CSMD1: variants seen among roughly 807,000 people sequenced by gnomAD.
CSMD1 encodes CUB and sushi domain-containing protein 1.
A neutral mutation model predicts 417.5 loss-of-function variants in CSMD1; 213 were observed. The observed-to-expected ratio is 0.51, with a 90% CI of 0.46 to 0.57. CSMD1 has a LOEUF of 0.57. CSMD1 is among the 20% of genes least tolerant of loss of function. CSMD1 has a pLI of 0.00. For missense variants in CSMD1, 6,923 were observed against 4,529.7 expected, an observed-to-expected ratio of 1.53 and a Z score of -15.17; for synonymous variants, 2,862 against 1,736.8, an observed-to-expected ratio of 1.65 and a Z score of -16.11.
Position 3,832,890 on chromosome 8 carries a change from T to C in CSMD1, c.819-78848A>G, listed in dbSNP as rs144851782. ...TTGGAGAATCCAAGAAGAAAACCCATATTGCATAAGCAACACAAATAGGAG... is the reference window on the plus strand; with the variant it reads ...TTGGAGAATCCAAGAAGAAAACCCACATTGCATAAGCAACACAAATAGGAG... On this transcript the variant is annotated intron_variant, in intron 5 of 69. Coordinates refer to ENST00000635120, the MANE Select transcript of CSMD1 (RefSeq NM_033225.6). 1.2e-4 allele frequency among the ~76,000 whole-genome samples: 18 copies of C among 152,284 alleles called. 1 individual carries two copies. The highest frequency in any genetic ancestry group is 4.1e-4 in the African/African-American group (17 of 41,568).
rs191538310 is a variant in CSMD1 at position 3,102,654 on chromosome 8, C to T, written c.6949+3874G>A. On this transcript the variant is annotated intron_variant, in intron 46 of 69. Coordinates refer to ENST00000635120, the MANE Select transcript of CSMD1 (RefSeq NM_033225.6). The stretch of plus-strand genomic sequence containing the variant: ...ATGCACTTCTGAGGGAGGCCACTCT[C>T]ACCAATGCAGGCCTCCATAACAACT... Among the ~76,000 whole-genome samples, 4 of 152,346 alleles carry T rather than the reference C, an allele frequency of 2.6e-5. No homozygotes were observed. The East Asian group carries it at 7.7e-4, about 29-fold the overall frequency.
At chr8:3,220,573 C>T (rs1798148356) in intron 28 of CSMD1, among the ~76,000 whole-genome samples, 1 of 152,170 alleles carries the variant, frequency 6.6e-6, no homozygotes. Context: ...TGGCTCTAGC[C>T]TGTAATCCCA....
At chr8:4,065,494 C>G (rs1044368478) in intron 3 of CSMD1, among the ~76,000 whole-genome samples, 1 of 152,162 alleles carries the variant, frequency 6.6e-6, no homozygotes, top group Non-Finnish European at 1.5e-5. Context: ...ATACAAAGGT[C>G]ATGACACTGA....
At chr8:3,575,308 A>C (rs6558800) in intron 9 of CSMD1, among the ~76,000 whole-genome samples, 129,091 of 152,110 alleles carry the variant, frequency 0.85, 55,111 homozygotes, top group Non-Finnish European at 0.88. Context: ...CCAAAGGCCT[A>C]TCCACTCACC....
intron 6 of CSMD1, among the ~76,000 whole-genome samples, chr8:3,741,004 C>G (rs1235405974): frequency 6.6e-6 from 1 of 151,924 alleles, no homozygotes; most frequent in Non-Finnish European, 1.5e-5. Context: ...CACCTCAGGT[C>G]AGGATTTCCA....
intron 1 of CSMD1, among the ~76,000 whole-genome samples, chr8:4,650,264 G>C (rs1393491485): frequency 1.4e-5 from 2 of 147,162 alleles, no homozygotes; most frequent in Non-Finnish European, 1.5e-5. Context: ...AGAATGGCGT[G>C]AACCCGGGAG....
chr8:4,292,885 TA>T (rs1270602957), intron 3 of CSMD1, among the ~76,000 whole-genome samples: 1 of 152,168 alleles, frequency 6.6e-6, no homozygotes, highest in Non-Finnish European at 1.5e-5. Context: ...AGGCTTTTTG[TA>T]AAGAGATAAT....
intron 10 of CSMD1, among the ~76,000 whole-genome samples, chr8:3,564,046 G>A (rs1265948493): frequency 6.6e-6 from 1 of 151,922 alleles, no homozygotes; most frequent in Admixed American, 6.6e-5. Context: ...TATATTTTGG[G>A]GGTACACGTG....
chr8:4,783,522 G>C (rs75755516), intron 1 of CSMD1, among the ~76,000 whole-genome samples: 3 of 152,192 alleles, frequency 2.0e-5, no homozygotes, highest in Non-Finnish European at 4.4e-5. Context: ...ACATTAAAAC[G>C]TTTATGCAAA....
intron 3 of CSMD1, among the ~76,000 whole-genome samples, chr8:4,220,343 A>G (rs1298327755): frequency 6.6e-6 from 1 of 152,198 alleles, no homozygotes; most frequent in Non-Finnish European, 1.5e-5. Context: ...TAGCATGTAC[A>G]ACAGCAGGAA....
chr8:4,110,330 T>C (rs959095517), intron 3 of CSMD1, among the ~76,000 whole-genome samples: 3 of 152,180 alleles, frequency 2.0e-5, no homozygotes, highest in Non-Finnish European at 4.4e-5. Context: ...TTGTGAATTT[T>C]TGGCCTCTAA....
chr8:3,422,382 TG>T (rs1563372909), intron 12 of CSMD1, among the ~76,000 whole-genome samples: 1 of 152,182 alleles, frequency 6.6e-6, no homozygotes, highest in Non-Finnish European at 1.5e-5. Context: ...ATCTTGGATT[TG>T]GGGCCACTTT....
At chr8:4,457,776 C>A (rs182292989) in intron 2 of CSMD1, among the ~76,000 whole-genome samples, 7 of 152,276 alleles carry the variant, frequency 4.6e-5, no homozygotes, top group African/African-American at 1.7e-4. Flanking sequence ...TCACTGGCTG[C>A]TTCTCCCAAG....
chr8:4,014,796 C>T (rs1796443737), intron 4 of CSMD1, among the ~76,000 whole-genome samples: 1 of 152,152 alleles, frequency 6.6e-6, no homozygotes, highest in Admixed American at 6.5e-5. Context: ...GCACTAGACA[C>T]ATTCATCTTT....
At chr8:3,919,580 T>G (rs1364269377) in intron 5 of CSMD1, among the ~76,000 whole-genome samples, 3 of 152,178 alleles carry the variant, frequency 2.0e-5, no homozygotes, top group Non-Finnish European at 2.9e-5. Flanking sequence ...TGCCTTCAGC[T>G]GTGTTATTCT....
At chr8:4,328,964 T>A (rs757217254) in intron 3 of CSMD1, among the ~76,000 whole-genome samples, 15 of 152,242 alleles carry the variant, frequency 9.9e-5, no homozygotes, top group Non-Finnish European at 1.9e-4. Context: ...TAGCAGAGTA[T>A]CACTCTTCTG....
intron 27 of CSMD1, 138 bp downstream of exon 27, chr8:3,229,902 G>A (rs1314482606): frequency 5.1e-6 from 3 of 587,948 alleles, no homozygotes; most frequent in Non-Finnish European, 8.5e-6. Flanking sequence ...TAAAATTTCA[G>A]GAGTCTCAGA....
At chr8:4,785,292 T>C (rs78563128) in intron 1 of CSMD1, among the ~76,000 whole-genome samples, 1,601 of 152,210 alleles carry the variant, frequency 0.011, 14 homozygotes, top group East Asian at 0.056. Context: ...ATGGGGCACA[T>C]TGGGCAAGTT....
chr8:4,349,849 C>G (rs895876752), intron 3 of CSMD1, among the ~76,000 whole-genome samples: 1 of 128,646 alleles, frequency 7.8e-6, no homozygotes, highest in African/African-American at 3.0e-5. Flanking sequence ...GTTTAGGTTA[C>G]TTTTTAACTA....
Sources: gnomAD v4.1 joint callset for allele counts (sites outside exome capture counted in the v4.1 genomes callset) on GRCh38, gnomAD v4.1.1 for gene constraint, MANE v1.5 for transcripts, NCBI Gene and HGNC (gene_info 2026-07-23, HGNC 2026-07-21) for gene names.